The following HMGCS2 variants were observed in gnomAD, a reference collection of about 807,000 sequenced individuals.
HMGCS2 encodes 3-hydroxy-3-methylglutaryl-CoA synthase 2, also known as hydroxymethylglutaryl-CoA synthase, mitochondrial.
A neutral mutation model predicts 57.4 loss-of-function variants in HMGCS2; 50 were observed. That is an observed-to-expected ratio of 0.87 (90% confidence interval 0.69 to 1.10). The LOEUF is 1.10. HMGCS2 is among the 50% of genes least tolerant of loss of function. The pLI is 0.00. For missense variants in HMGCS2, 627 were observed against 636.5 expected, an observed-to-expected ratio of 0.99 and a Z score of 0.16; for synonymous variants, 254 against 245.1, an observed-to-expected ratio of 1.04 and a Z score of -0.34.
chr1:119,760,017 C>T (rs1449025997), intron 2 of HMGCS2, 28 bp from the exon 3 acceptor site: 3 of 1,609,642 alleles, frequency 1.9e-6, no homozygotes, highest in African/African-American at 2.7e-5. Context: ...AAATATTTAC[C>T]ATCATTACCA....
At position 119,768,782 on chromosome 1, in the gene HMGCS2, G is replaced by A. The variant is rs777148971; in HGVS notation, c.63C>T (p.Thr21=). 2 of 1,614,096 alleles carry A rather than the reference G, an allele frequency of 1.2e-6. No homozygotes were observed. Among genetic ancestry groups the A allele is most frequent in the Middle Eastern group, 1.6e-4 (1 of 6,062 alleles). The change falls in exon 1 of 10, where the codon ACC becomes ACT. Residue 21 remains threonine (T), a synonymous_variant. Coordinates refer to ENST00000369406, the MANE Select transcript of HMGCS2 (RefSeq NM_005518.4). The stretch of plus-strand genomic sequence containing the variant: ...GGAGCAGGCGAGCAGGTGTGAGGGA[G>A]GTTTCCTGCACCGCTCTTGTCAGTT... ...ILQLTRAVQE[T]SLTPARLLPV... is the part of the protein sequence containing the mutation.
chr1:119,753,503 C>T, intron 6 of HMGCS2, 117 bp from the exon 7 acceptor site: 1 of 687,238 alleles, frequency 1.5e-6, no homozygotes, highest in South Asian at 1.7e-5. Flanking sequence ...GCCTATCATC[C>T]CGATCTTCTC....
chr1:119,756,972 C>A (rs587624512), intron 5 of HMGCS2, among the ~76,000 whole-genome samples: 14 of 152,174 alleles, frequency 9.2e-5, no homozygotes, highest in African/African-American at 3.4e-4. Flanking sequence ...TAGCTACTCT[C>A]TTTCTCCCTT....
intron 1 of HMGCS2, among the ~76,000 whole-genome samples, chr1:119,767,305 G>T (rs1361513080): frequency 1.3e-5 from 2 of 152,208 alleles, no homozygotes; most frequent in Non-Finnish European, 2.9e-5. Context: ...GATCAGAGAA[G>T]CTTCGTGGAA....
At position 119,748,096 on chromosome 1, in the gene HMGCS2, C is replaced by T. The variant is rs1304215870; in HGVS notation, c.*751G>A. The T allele has an allele frequency of 2.0e-5, 3 of 152,238 alleles. No individual in the cohort carries two copies. Among genetic ancestry groups the T allele is most frequent in the Non-Finnish European group, 4.4e-5 (3 of 68,046 alleles). 9.4% of individuals were successfully genotyped at this position (152,238 alleles called of 1,614,324 possible). The stretch of plus-strand genomic sequence containing the variant: ...TCAAATAACAGCGGCAAGGAATGAC[C>T]AAGAAGATCTGAACTACAGCTCCTG... On this transcript the variant is annotated 3_prime_UTR_variant, in exon 10 of 10. Transcript: ENST00000369406.
intron 1 of HMGCS2, 57 bp downstream of exon 1, chr1:119,768,684 T>C (rs1653319362): frequency 2.3e-6 from 3 of 1,294,332 alleles, no homozygotes; most frequent in African/African-American, 1.5e-5. Context: ...TTTTCCCCAA[T>C]AGCAGGGAAA....
At chr1:119,756,835 T>C (rs1490058203) in intron 5 of HMGCS2, among the ~76,000 whole-genome samples, 2 of 152,200 alleles carry the variant, frequency 1.3e-5, no homozygotes, top group South Asian at 4.1e-4. Flanking sequence ...TGTGTGTTTG[T>C]GTCTGTATAG....
Position 119,765,841 on chromosome 1 carries a change from C to T in HMGCS2, c.105-1215G>A, listed in dbSNP as rs1370922569. Among the ~76,000 whole-genome samples, 5 of 152,166 alleles carry T rather than the reference C, an allele frequency of 3.3e-5. No homozygotes were observed. In the East Asian group the frequency reaches 5.8e-4, roughly 18 times the overall value. Reference sequence around the variant, plus strand: ...CTGCTAGCTGATTTTTCTGATAGGGCCTTCCAATGTTTATTGAGCACACCC... The same window carrying T: ...CTGCTAGCTGATTTTTCTGATAGGGTCTTCCAATGTTTATTGAGCACACCC... On this transcript the variant is annotated intron_variant, in intron 1 of 9. Transcript: ENST00000369406.
rs1473656868 is a variant in HMGCS2 at position 119,748,859 on chromosome 1, T to G, written c.*6-18A>C. The G allele has an allele frequency of 6.6e-6, 1 of 152,240 alleles. No individual in the cohort carries two copies. The highest frequency in any genetic ancestry group is 1.5e-5 in the Non-Finnish European group (1 of 68,058). 9.4% of individuals were successfully genotyped at this position (152,240 alleles called of 1,614,324 possible). On this transcript the variant is annotated intron_variant, in intron 9 of 9. Transcript: ENST00000369406. ...CTGCAGAACTTAAATAAACAAAAAG[T>G]CATTCAATCATGGGTCTCCTCTTGG...
At chr1:119,752,234 T>C (rs1652683533) in intron 8 of HMGCS2, among the ~76,000 whole-genome samples, 1 of 152,208 alleles carries the variant, frequency 6.6e-6, no homozygotes, top group Non-Finnish European at 1.5e-5. Flanking sequence ...CTCTAAAGTC[T>C]GTACTCTTTC....
rs759228303 is a variant in HMGCS2 at position 119,764,296 on chromosome 1, G to A, written c.435C>T (p.Leu145=). 2.2e-5 allele frequency: 36 copies of A among 1,614,088 alleles called. No individual in the cohort carries two copies. The East Asian group carries it at 7.8e-4, about 35-fold the overall frequency. Residue 145 remains leucine (L), a synonymous_variant, in exon 2 of 10, where the codon CTC becomes CTT. Transcript: ENST00000369406. ...TGCCTGAATCCTGGAAGAGTTCCAT[G>A]AGCACTGTTTTGACAGCTTTGGACT... is the stretch of plus-strand genomic sequence containing the variant. The part of the protein sequence containing the change: ...IDKSKAVKTV[L]MELFQDSGNT...
chr1:119,767,868 G>A (rs1653287748), intron 1 of HMGCS2, among the ~76,000 whole-genome samples: 1 of 152,198 alleles, frequency 6.6e-6, no homozygotes, highest in Non-Finnish European at 1.5e-5. Flanking sequence ...GTTTGGCAGT[G>A]CATGGGGAGA....
At chr1:119,761,725 C>T (rs780593390) in intron 2 of HMGCS2, among the ~76,000 whole-genome samples, 8 of 151,706 alleles carry the variant, frequency 5.3e-5, no homozygotes, top group Non-Finnish European at 8.8e-5. Context: ...AGATCACCGC[C>T]ACTGCACTCC....
At chr1:119,764,751 A>G in intron 1 of HMGCS2, 125 bp from the exon 2 acceptor site, 1 of 751,542 alleles carries the variant, frequency 1.3e-6, no homozygotes, top group South Asian at 1.6e-5. Flanking sequence ...GATGACTACA[A>G]ATTTAGTATT....
chr1:119,759,916 G>T lies in HMGCS2; in HGVS notation c.633C>A (p.Ala211=), dbSNP rs370124069. The change falls in exon 3 of 10, where the codon GCC becomes GCA. Residue 211 remains alanine, a synonymous_variant. Transcript: ENST00000369406. ...PSGNARPTGG[A]GAVAMLIGPK... The stretch of plus-strand genomic sequence containing the variant: ...GCCCAATCAGCATAGCCACAGCTCC[G>T]GCCCCACCTGTGGGACGAGCATTAC... 17 of 1,614,008 alleles carry T rather than the reference G, an allele frequency of 1.1e-5. No individual in the cohort carries two copies. In the African/African-American group the frequency reaches 1.1e-4, roughly 10 times the overall value.
chr1:119,764,677 C>A lies in HMGCS2; in HGVS notation c.105-51G>T, dbSNP rs770929896. 2.8e-5 allele frequency: 37 copies of A among 1,316,532 alleles called. 1 individual carries two copies. The Admixed American group carries it at 7.0e-4, about 25-fold the overall frequency. 81.6% of individuals were successfully genotyped at this position (1,316,532 alleles called of 1,614,324 possible). ...CCCACTAATGGTCTGTAGACAATTT[C>A]CTCAAAAGACAGTAACATAGCAATC... On this transcript the variant is annotated intron_variant, in intron 1 of 9. Coordinates refer to ENST00000369406, the MANE Select transcript of HMGCS2 (RefSeq NM_005518.4).
intron 5 of HMGCS2, 106 bp downstream of exon 5, chr1:119,757,167 C>T: frequency 6.3e-7 from 1 of 1,577,386 alleles, no homozygotes. Context: ...GGAGGATTGC[C>T]ATTTGTCCCC....
At position 119,764,470 on chromosome 1, in the gene HMGCS2, G is replaced by A. The variant is rs779916834; in HGVS notation, c.261C>T (p.Gly87=). 1 of 1,612,824 alleles carries A rather than the reference G, an allele frequency of 6.2e-7. No homozygotes were observed. The highest frequency in any genetic ancestry group is 2.2e-5 in the East Asian group (1 of 44,854). ...NNVEAGKYTV[G]LGQTRMGFCS... is the part of the protein sequence containing the mutation. ...AGAAGCCCATACGGGTCTGGCCCAAGCCCACTGTATACTTTCCTGCTTCCA... is the reference window on the plus strand; with the variant it reads ...AGAAGCCCATACGGGTCTGGCCCAAACCCACTGTATACTTTCCTGCTTCCA... The change falls in exon 2 of 10, where the codon GGC becomes GGT. Residue 87 remains glycine, a synonymous_variant. Coordinates refer to ENST00000369406, the MANE Select transcript of HMGCS2 (RefSeq NM_005518.4).
chr1:119,760,858 T>C (rs1028223387), intron 2 of HMGCS2, among the ~76,000 whole-genome samples: 1 of 152,068 alleles, frequency 6.6e-6, no homozygotes, highest in Non-Finnish European at 1.5e-5. Context: ...GTAGCAGATA[T>C]AGTTATCCCC....
Sources: gnomAD v4.1 joint callset for allele counts (sites outside exome capture counted in the v4.1 genomes callset) on GRCh38, gnomAD v4.1.1 for gene constraint, MANE v1.5 for transcripts, NCBI Gene and HGNC (gene_info 2026-07-23, HGNC 2026-07-21) for gene names.